Variants in ROBO2 observed in about 807,000 individuals in gnomAD.
The protein encoded by ROBO2 is roundabout guidance receptor 2.
Under a neutral mutation model 160.8 loss-of-function variants are expected in ROBO2, and 53 were observed. That is an observed-to-expected ratio of 0.33 (90% CI 0.26 to 0.41). The LOEUF (loss-of-function observed/expected upper bound fraction) is 0.41, where lower values mean the gene tolerates loss of function less well. Among genes scored for constraint, ROBO2 ranks in the 10% least tolerant of loss-of-function variants. The pLI is 1.00. For synonymous variants in ROBO2, 664 were observed against 611.7 expected, an observed-to-expected ratio of 1.09 and a Z score of -1.26; for missense variants, 1,577 against 1,722.4, an observed-to-expected ratio of 0.92 and a Z score of 1.49.
intron 2 of ROBO2, among the ~76,000 whole-genome samples, chr3:77,162,568 C>T (rs2078590869): frequency 6.6e-6 from 1 of 152,172 alleles, no homozygotes; most frequent in African/African-American, 2.4e-5. Context: ...TGGAAACTTA[C>T]ATAATGGAAA....
At chr3:76,664,652 C>A (rs1016419545) in intron 2 of ROBO2, among the ~76,000 whole-genome samples, 1 of 152,108 alleles carries the variant, frequency 6.6e-6, no homozygotes, top group African/African-American at 2.4e-5. Context: ...CTACTGTAAC[C>A]TCCAGTGAAA....
chr3:76,038,842 G>A (rs890945895), intron 2 of ROBO2, among the ~76,000 whole-genome samples: 2 of 151,568 alleles, frequency 1.3e-5, no homozygotes, highest in African/African-American at 4.9e-5. Context: ...ATTGTGTCTA[G>A]TAATCTTACA....
intron 2 of ROBO2, among the ~76,000 whole-genome samples, chr3:76,990,367 A>C (rs1389047670): frequency 6.6e-6 from 1 of 152,214 alleles, no homozygotes; most frequent in Non-Finnish European, 1.5e-5. Flanking sequence ...ATAAAATCAC[A>C]AAGTTTCTAT....
At chr3:76,086,620 T>G (rs757135599) in intron 2 of ROBO2, among the ~76,000 whole-genome samples, 7 of 152,138 alleles carry the variant, frequency 4.6e-5, no homozygotes, top group Non-Finnish European at 1.0e-4. Context: ...ACCCAGTGCA[T>G]CATGTCTTCC....
chr3:77,413,147 A>C (rs2076938785), intron 2 of ROBO2, among the ~76,000 whole-genome samples: 1 of 152,172 alleles, frequency 6.6e-6, no homozygotes, highest in Non-Finnish European at 1.5e-5. Context: ...GACCAAAATC[A>C]GTCCTTTTGG....
intron 1 of ROBO2, among the ~76,000 whole-genome samples, chr3:77,077,922 A>G (rs1024394037): frequency 6.6e-6 from 1 of 152,116 alleles, no homozygotes; most frequent in African/African-American, 2.4e-5. Context: ...CAATACTTTC[A>G]CAATTTAAAG....
intron 2 of ROBO2, among the ~76,000 whole-genome samples, chr3:76,643,915 G>T (rs918246083): frequency 6.6e-6 from 1 of 152,020 alleles, no homozygotes; most frequent in African/African-American, 2.4e-5. Flanking sequence ...TATCTGTGGA[G>T]AACTATGATT....
At chr3:76,098,825 T>C (rs1383639303) in intron 2 of ROBO2, among the ~76,000 whole-genome samples, 1 of 152,156 alleles carries the variant, frequency 6.6e-6, no homozygotes, top group Non-Finnish European at 1.5e-5. Flanking sequence ...AGTCTCGAGT[T>C]CATGTTCTGA....
chr3:76,528,899 G>A (rs555680674), intron 2 of ROBO2, among the ~76,000 whole-genome samples: 4 of 152,042 alleles, frequency 2.6e-5, no homozygotes, highest in South Asian at 2.1e-4. Flanking sequence ...GAAGCGAAAC[G>A]AAAAAAGCAT....
At chr3:77,279,002 G>T (rs1328264999) in intron 2 of ROBO2, among the ~76,000 whole-genome samples, 1 of 152,080 alleles carries the variant, frequency 6.6e-6, no homozygotes, top group Non-Finnish European at 1.5e-5. Flanking sequence ...TACTGAAGAG[G>T]AGACAAAGGG....
intron 2 of ROBO2, among the ~76,000 whole-genome samples, chr3:76,207,295 G>A (rs1485198857): frequency 6.6e-6 from 1 of 152,032 alleles, no homozygotes; most frequent in African/African-American, 2.4e-5. Context: ...CAAATTAGTG[G>A]TAGTTAAATA....
intron 2 of ROBO2, among the ~76,000 whole-genome samples, chr3:76,376,494 C>G (rs1163570624): frequency 6.6e-6 from 1 of 152,152 alleles, no homozygotes; most frequent in Non-Finnish European, 1.5e-5. Context: ...GAGTAGTACA[C>G]AGTCTTTGCT....
chr3:77,333,368 G>A (rs2066172474), intron 2 of ROBO2, among the ~76,000 whole-genome samples: 2 of 152,160 alleles, frequency 1.3e-5, no homozygotes, highest in Non-Finnish European at 2.9e-5. Flanking sequence ...CTGCTTCTAT[G>A]TAGTCGAAAT....
chr3:77,200,265 TTTTA>T lies in ROBO2; in HGVS notation c.388+101927_388+101930del, dbSNP rs1234900643. 5.8e-3 allele frequency among the ~76,000 whole-genome samples: 345 copies of T among 59,020 alleles called. 16 individuals carry two copies. Among genetic ancestry groups the T allele is most frequent in the East Asian group, 0.024 (50 of 2,076 alleles). 38.7% of individuals were successfully genotyped at this position (59,020 alleles called of 152,430 possible). A position where few individuals can be genotyped will look rare whatever the true frequency, so the allele number is the denominator to read the frequency against. On this transcript the variant is annotated intron_variant, in intron 2 of 25. Transcript: ENST00000461745. ...GTGTATGTATATCCTAACTAACATA[TTTTA>T]TATATATATATATATATATATATAT...
chr3:76,901,215 A>G (rs1235687116), intron 2 of ROBO2, among the ~76,000 whole-genome samples: 1 of 151,418 alleles, frequency 6.6e-6, no homozygotes, highest in East Asian at 1.9e-4. Flanking sequence ...AATTTATTTT[A>G]TCTATAGAAT....
intron 2 of ROBO2, among the ~76,000 whole-genome samples, chr3:76,342,174 A>T (rs1296796640): frequency 5.9e-5 from 9 of 152,104 alleles, no homozygotes. Flanking sequence ...AATTCCTTTA[A>T]CAGGCTCTGT....
chr3:75,958,168 T>C (rs1948785521), intron 2 of ROBO2, among the ~76,000 whole-genome samples: 1 of 151,836 alleles, frequency 6.6e-6, no homozygotes, highest in Non-Finnish European at 1.5e-5. Flanking sequence ...ACCAATTTTG[T>C]ACCTCATTGC....
At chr3:77,632,783 A>G (rs2095192782) in intron 23 of ROBO2, 1 of 788,388 alleles carries the variant, frequency 1.3e-6, no homozygotes, top group Non-Finnish European at 1.9e-6. Flanking sequence ...GCATGAATAC[A>G]GTTTGGATGC....
intron 2 of ROBO2, among the ~76,000 whole-genome samples, chr3:77,206,777 T>C (rs909224748): frequency 6.6e-6 from 1 of 152,218 alleles, no homozygotes; most frequent in African/African-American, 2.4e-5. Flanking sequence ...TTTTAAGTTT[T>C]TGATGGACAT....
Sources: gnomAD v4.1 joint callset for allele counts (sites outside exome capture counted in the v4.1 genomes callset) on GRCh38, gnomAD v4.1.1 for gene constraint, MANE v1.5 for transcripts, NCBI Gene and HGNC (gene_info 2026-07-23, HGNC 2026-07-21) for gene names.